SLAIN2: variants seen among roughly 807,000 people sequenced by gnomAD.
The protein encoded by SLAIN2 is SLAIN motif-containing protein 2.
Under a neutral mutation model 56.6 loss-of-function variants are expected in SLAIN2, and 31 were observed. That is an observed-to-expected ratio of 0.55 (90% CI 0.41 to 0.74). SLAIN2 has a LOEUF of 0.74. Ranked by LOEUF, SLAIN2 falls within the 30% of genes least tolerant of loss-of-function variation. The pLI, the probability that SLAIN2 is intolerant of heterozygous loss-of-function variation, is 0.00. For synonymous variants in SLAIN2, 317 were observed against 284.9 expected, an observed-to-expected ratio of 1.11 and a Z score of -1.13; for missense variants, 777 against 754.2, an observed-to-expected ratio of 1.03 and a Z score of -0.35.
intron 6 of SLAIN2, among the ~76,000 whole-genome samples, chr4:48,414,037 C>T (rs1203469509): frequency 4.6e-5 from 7 of 152,032 alleles, no homozygotes; most frequent in African/African-American, 1.7e-4. Flanking sequence ...TTTTAAGATA[C>T]GAATTCTCTA....
chr4:48,412,010 T>A lies in SLAIN2; in HGVS notation c.1361-8115T>A, dbSNP rs1377943141. Among the ~76,000 whole-genome samples, 5 of 136,688 alleles carry A rather than the reference T, an allele frequency of 3.7e-5. No individual in the cohort carries two copies. The East Asian group carries it at 6.6e-4, about 18-fold the overall frequency. 89.7% of individuals were successfully genotyped at this position (136,688 alleles called of 152,430 possible). A position where few individuals can be genotyped will look rare whatever the true frequency, so the allele number is the denominator to read the frequency against. ...CTCTGTATGTTTTTATGGAGAGAGT[T>A]GAGGAAATTCGTAAATTACACCAAT... On this transcript the variant is annotated intron_variant, in intron 6 of 7. Transcript: ENST00000264313.
chr4:48,343,576 G>T (rs1213111395), intron 1 of SLAIN2, among the ~76,000 whole-genome samples: 1 of 152,192 alleles, frequency 6.6e-6, no homozygotes, highest in Non-Finnish European at 1.5e-5. Flanking sequence ...ATAGAACAAA[G>T]AGTACTGACA....
At position 48,392,858 on chromosome 4, in the gene SLAIN2, T is replaced by G. The variant is rs151184199; in HGVS notation, c.1360+9074T>G. 8.7e-4 allele frequency among the ~76,000 whole-genome samples: 130 copies of G among 149,522 alleles called. 3 individuals are homozygous for G. In the East Asian group the frequency reaches 0.025, roughly 28 times the overall value. On this transcript the variant is annotated intron_variant, in intron 6 of 7. Coordinates refer to ENST00000264313, the MANE Select transcript of SLAIN2 (RefSeq NM_020846.2). ...TGTCTCCCCTTTCCTAGAATATTAG[T>G]TTCATGAGAGTGGGGACTGTAGCCA...
At chr4:48,380,789 G>C (rs1252314448) in intron 4 of SLAIN2, among the ~76,000 whole-genome samples, 1 of 152,120 alleles carries the variant, frequency 6.6e-6, no homozygotes, top group Admixed American at 6.5e-5. Context: ...GGTTAATGGA[G>C]CATTGCTACG....
chr4:48,383,011 T>A (rs1295129081), intron 5 of SLAIN2, 84 bp downstream of exon 5: 2 of 1,415,688 alleles, frequency 1.4e-6, no homozygotes, highest in Non-Finnish European at 1.9e-6. Flanking sequence ...GGAAAAAAAT[T>A]TTCAAAATTA....
chr4:48,360,212 G>C (rs930591816), intron 1 of SLAIN2, among the ~76,000 whole-genome samples: 1 of 151,756 alleles, frequency 6.6e-6, no homozygotes, highest in Admixed American at 6.6e-5. Context: ...GGGAAAAAGT[G>C]GCATTTTGAA....
intron 1 of SLAIN2, among the ~76,000 whole-genome samples, chr4:48,359,385 A>G (rs1488951539): frequency 6.6e-6 from 1 of 152,156 alleles, no homozygotes; most frequent in Non-Finnish European, 1.5e-5. Flanking sequence ...TTTTAATATA[A>G]CTTTTATTTT....
chr4:48,396,489 A>T (rs773659804), intron 6 of SLAIN2, among the ~76,000 whole-genome samples: 3 of 152,202 alleles, frequency 2.0e-5, no homozygotes, highest in Admixed American at 2.0e-4. Flanking sequence ...GAGATGGAGA[A>T]TATCTTTTGG....
At chr4:48,420,028 C>T in intron 6 of SLAIN2, 97 bp from the exon 7 acceptor site, 3 of 1,201,884 alleles carry the variant, frequency 2.5e-6, no homozygotes, top group Non-Finnish European at 3.5e-6. Flanking sequence ...CCTGAATACA[C>T]ATGTACTAGT....
intron 2 of SLAIN2, among the ~76,000 whole-genome samples, chr4:48,375,285 T>C (rs1380478844): frequency 6.6e-6 from 1 of 152,184 alleles, no homozygotes; most frequent in Non-Finnish European, 1.5e-5. Context: ...ATACTAAATA[T>C]ATATAAAATA....
At chr4:48,355,116 G>A (rs1219952194) in intron 1 of SLAIN2, among the ~76,000 whole-genome samples, 3 of 151,658 alleles carry the variant, frequency 2.0e-5, no homozygotes, top group South Asian at 2.1e-4. Flanking sequence ...TCCTGACCTC[G>A]TGATCCGCCT....
At chr4:48,403,689 G>C (rs764419803) in intron 6 of SLAIN2, among the ~76,000 whole-genome samples, 1 of 152,188 alleles carries the variant, frequency 6.6e-6, no homozygotes, top group South Asian at 2.1e-4. Context: ...GTGAGGTGCC[G>C]TGGGAATGGA....
chr4:48,420,022 A>C, intron 6 of SLAIN2, 103 bp from the exon 7 acceptor site: 1 of 1,152,006 alleles, frequency 8.7e-7, no homozygotes, highest in Non-Finnish European at 1.2e-6. Context: ...AAGTTTCCTG[A>C]ATACACATGT....
At position 48,422,938 on chromosome 4, in the gene SLAIN2, G is replaced by C. The variant is rs1392171458; in HGVS notation, c.*861G>C. The C allele has an allele frequency of 6.6e-6, 1 of 152,108 alleles. No homozygotes were observed. Among genetic ancestry groups the C allele is most frequent in the African/African-American group, 2.4e-5 (1 of 41,422 alleles). 9.4% of individuals were successfully genotyped at this position (152,108 alleles called of 1,614,324 possible). A position where few individuals can be genotyped will look rare whatever the true frequency, so the allele number is the denominator to read the frequency against. ...TATCTTTACAGAACTAAGAGATCTT[G>C]TTTCTATTAGCAGGTTTTCATGATA... is the stretch of plus-strand genomic sequence containing the variant. On this transcript the variant is annotated 3_prime_UTR_variant, in exon 8 of 8. Transcript: ENST00000264313.
At chr4:48,413,453 T>G (rs1716917970) in intron 6 of SLAIN2, among the ~76,000 whole-genome samples, 1 of 152,176 alleles carries the variant, frequency 6.6e-6, no homozygotes, top group Admixed American at 6.5e-5. Context: ...TTACAAGGAT[T>G]CTTTAATTCT....
At chr4:48,369,148 A>G (rs760751067) in intron 1 of SLAIN2, among the ~76,000 whole-genome samples, 15 of 152,200 alleles carry the variant, frequency 9.9e-5, no homozygotes, top group Non-Finnish European at 2.1e-4. Flanking sequence ...ATGGAGTGAC[A>G]CTTGAAATAA....
intron 4 of SLAIN2, among the ~76,000 whole-genome samples, chr4:48,381,794 C>T (rs1715979103): frequency 6.6e-6 from 1 of 152,126 alleles, no homozygotes; most frequent in Non-Finnish European, 1.5e-5. Flanking sequence ...AGGTTGTGCT[C>T]AGAATATTAC....
Position 48,369,878 on chromosome 4 carries a change from C to G in SLAIN2, c.419C>G (p.Thr140Arg). The G allele has an allele frequency of 6.2e-7, 1 of 1,613,476 alleles. No individual in the cohort carries two copies. Among genetic ancestry groups the G allele is most frequent in the Non-Finnish European group, 8.5e-7 (1 of 1,179,622 alleles). Residue 140 changes from threonine to arginine, a missense_variant, in exon 2 of 8, where the codon ACA (threonine) becomes AGA (arginine). By Grantham distance (71) the Thr-to-Arg change is moderately conservative (BLOSUM62 -1). Transcript: ENST00000264313. ...WLYSSPKKKL[T>R]PMQKSVSPLV... The stretch of plus-strand genomic sequence containing the variant: ...TATTCATCACCAAAGAAAAAACTTA[C>G]ACCAATGCAGAAATCGGTTAGTCCA...
At chr4:48,396,631 A>G (rs1353557617) in intron 6 of SLAIN2, among the ~76,000 whole-genome samples, 1 of 152,132 alleles carries the variant, frequency 6.6e-6, no homozygotes, top group Non-Finnish European at 1.5e-5. Context: ...CCACCTGTTC[A>G]CAGGTATATT....
Sources: allele counts gnomAD v4.1 joint callset (sites outside exome capture counted in the v4.1 genomes callset), GRCh38; gene constraint gnomAD v4.1.1; transcripts MANE v1.5; gene names NCBI Gene and HGNC (gene_info 2026-07-23, HGNC 2026-07-21).